The following ANKRD26 variants were observed in gnomAD, a reference collection of about 807,000 sequenced individuals.
The protein encoded by ANKRD26 is ankyrin repeat domain 26, also known as ankyrin repeat domain-containing protein 26.
A neutral mutation model predicts 208.7 loss-of-function variants in ANKRD26; 141 were observed. The ratio of observed to expected loss-of-function variants is 0.68; its 90% CI spans 0.59 to 0.78. The LOEUF is 0.78. Among genes scored for constraint, ANKRD26 ranks in the 30% least tolerant of loss-of-function variants. The probability of loss-of-function intolerance (pLI) is 0.00; values close to 1 mark genes in which losing one functional copy is unlikely to be tolerated. For synonymous variants in ANKRD26, 636 were observed against 660.4 expected (o/e 0.96, Z 0.57); for missense variants, 1,889 against 1,938.7 (o/e 0.97, Z 0.48).
intron 20 of ANKRD26, among the ~76,000 whole-genome samples, 166 bp downstream of exon 20, chr10:27,043,260 T>C (rs543597203): frequency 6.8e-4 from 103 of 150,846 alleles, no homozygotes; most frequent in African/African-American, 2.4e-3. Flanking sequence ...AAAGGAATAA[T>C]ATCAAGAATA....
At chr10:26,951,566 C>G in the ANKRD26 span, among the ~76,000 whole-genome samples, 1 of 152,134 alleles carries the variant, frequency 6.6e-6, no homozygotes, top group Admixed American at 6.5e-5. Context: ...GTACACAGGA[C>G]AGTTTTTAGT....
intron 4 of ANKRD26, among the ~76,000 whole-genome samples, chr10:27,090,408 AAAAAT>A (rs1311366361): frequency 6.6e-6 from 1 of 152,100 alleles, no homozygotes; most frequent in Non-Finnish European, 1.5e-5. Context: ...ATAAATAAAT[AAAAAT>A]AAAATAAGAG....
intron 25 of ANKRD26, among the ~76,000 whole-genome samples, chr10:27,029,987 T>C (rs989482383): frequency 5.9e-5 from 9 of 152,216 alleles, no homozygotes; most frequent in African/African-American, 2.2e-4. Flanking sequence ...GAGACAGTAA[T>C]ACTATTACTT....
At chr10:27,084,574 C>T (rs534172864) in intron 5 of ANKRD26, among the ~76,000 whole-genome samples, 7 of 152,082 alleles carry the variant, frequency 4.6e-5, no homozygotes, top group South Asian at 2.1e-4. Flanking sequence ...TTTGTTATGG[C>T]GAAACATTTC....
Position 27,014,587 on chromosome 10 carries a change from T to C in ANKRD26, c.4631A>G (p.Gln1544Arg), listed in dbSNP as rs1185013830. The change falls in exon 31 of 34, where the codon CAA becomes CGA. Residue 1544 changes from glutamine (Q) to arginine (R), a missense_variant. Around this residue, in one of 3 missense-constraint regions of ANKRD26, gnomAD observed 613 missense variants for 648.2 expected, o/e 0.95. Coordinates refer to ENST00000376087, the MANE Select transcript of ANKRD26 (RefSeq NM_014915.3). Reference sequence around the variant, plus strand: ...CAGTTCGGTTTTATTAAAGTCTTCTTGAGAAGTTTTTATTTTGGAGAGTTC... The same window carrying C: ...CAGTTCGGTTTTATTAAAGTCTTCTCGAGAAGTTTTTATTTTGGAGAGTTC... ...ESELSKIKTS[Q>R]EDFNKTELEK... 1.2e-6 allele frequency: 2 copies of C among 1,610,592 alleles called. No individual in the cohort carries two copies. Among genetic ancestry groups the C allele is most frequent in the Non-Finnish European group, 1.7e-6 (2 of 1,178,026 alleles).
chr10:27,031,120 G>A (rs34076423), intron 25 of ANKRD26, among the ~76,000 whole-genome samples: 14,189 of 152,224 alleles, frequency 0.093, 789 homozygotes, highest in East Asian at 0.28. Flanking sequence ...GAGGCTAGAT[G>A]AACAGAAACT....
chr10:26,955,642 T>C, the ANKRD26 span, among the ~76,000 whole-genome samples: 1 of 152,166 alleles, frequency 6.6e-6, no homozygotes, highest in Non-Finnish European at 1.5e-5. Flanking sequence ...CCTAAATGAA[T>C]GTTGGCTAGA....
intron 10 of ANKRD26, 95 bp from the exon 11 acceptor site, chr10:27,066,643 C>T: frequency 1.4e-6 from 1 of 735,348 alleles, no homozygotes; most frequent in Non-Finnish European, 2.1e-6. Context: ...TATCTCCATT[C>T]ATGAATATTT....
In ANKRD26 at chr10:27,035,266, G is replaced by A; in HGVS notation, c.3184C>T (p.Leu1062Phe). The change falls in exon 24 of 34, where the codon CTT becomes TTT. Residue 1062 changes from leucine (L) to phenylalanine (F), a missense_variant. Around this residue, in one of 3 missense-constraint regions of ANKRD26, gnomAD observed 1,272 missense variants for 1,273.8 expected, o/e 1.00. Coordinates refer to ENST00000376087, the MANE Select transcript of ANKRD26 (RefSeq NM_014915.3). ...TCAGTTTTAAATAGTTGTTGAGAAA[G>A]AATCTCATTGTTATCTTTTAGGTTA... ...VSNLKDNNEI[L>F]SQQLFKTESK... 1 of 1,613,908 alleles carries A rather than the reference G, an allele frequency of 6.2e-7. No individual in the cohort carries two copies. The highest frequency in any genetic ancestry group is 8.5e-7 in the Non-Finnish European group (1 of 1,179,882).
intron 5 of ANKRD26, among the ~76,000 whole-genome samples, chr10:27,083,518 G>C (rs966551750): frequency 3.3e-5 from 5 of 151,964 alleles, no homozygotes; most frequent in African/African-American, 7.3e-5. Context: ...CAGGCCAGGA[G>C]TTTGAGACCA....
chr10:27,070,140 C>T (rs192001764), intron 9 of ANKRD26, among the ~76,000 whole-genome samples: 8 of 147,268 alleles, frequency 5.4e-5, no homozygotes, highest in Admixed American at 5.4e-4. Context: ...CGTGGTGGCT[C>T]ATGCCTGTAA....
chr10:27,064,461 C>T (rs1322280617), intron 11 of ANKRD26, among the ~76,000 whole-genome samples: 2 of 151,868 alleles, frequency 1.3e-5, no homozygotes, highest in South Asian at 2.1e-4. Context: ...TATTCCGGTT[C>T]GGGGGATGCC....
intron 27 of ANKRD26, among the ~76,000 whole-genome samples, chr10:27,025,502 T>A (rs893714401): frequency 2.6e-5 from 4 of 152,188 alleles, no homozygotes; most frequent in Admixed American, 2.6e-4. Flanking sequence ...CGGTCTCATC[T>A]AGAGATCTAC....
intron 5 of ANKRD26, among the ~76,000 whole-genome samples, chr10:26,994,707 G>A (rs2052552272): frequency 6.6e-6 from 1 of 152,196 alleles, no homozygotes; most frequent in Admixed American, 6.5e-5. Flanking sequence ...ATTGCCAGAA[G>A]TTCTGGTTTT....
At chr10:27,002,707 AC>A (rs1485086457), downstream of ANKRD26, among the ~76,000 whole-genome samples, 1 of 152,246 alleles carries the variant, frequency 6.6e-6, no homozygotes, top group Non-Finnish European at 1.5e-5. Flanking sequence ...ATGCTGTGGT[AC>A]ACAATTATGT....
intron 1 of ANKRD26, among the ~76,000 whole-genome samples, chr10:27,098,351 C>T (rs2056533367): frequency 6.6e-6 from 1 of 151,278 alleles, no homozygotes; most frequent in South Asian, 2.1e-4. Context: ...AGTTGTCAGA[C>T]GATAGCAATC....
intron 32 of ANKRD26, among the ~76,000 whole-genome samples, chr10:27,007,345 T>G (rs2052924275): frequency 6.6e-6 from 1 of 152,216 alleles, no homozygotes; most frequent in South Asian, 2.1e-4. Context: ...TTCACTTTAG[T>G]GGATTTTTCC....
At chr10:27,056,597 G>A (rs907413146) in intron 15 of ANKRD26, among the ~76,000 whole-genome samples, 4 of 151,160 alleles carry the variant, frequency 2.6e-5, no homozygotes, top group Non-Finnish European at 5.9e-5. Flanking sequence ...GACCAACATG[G>A]TGAAACCCTG....
downstream of ANKRD26, among the ~76,000 whole-genome samples, chr10:26,968,821 G>A (rs1406504088): frequency 6.6e-6 from 1 of 152,156 alleles, no homozygotes; most frequent in Non-Finnish European, 1.5e-5. Flanking sequence ...AACAACTATT[G>A]CTGTAATACA....
Sources: allele counts gnomAD v4.1 joint callset (sites outside exome capture counted in the v4.1 genomes callset), GRCh38; gene constraint gnomAD v4.1.1; regional missense constraint gnomAD v4.1.1; transcripts MANE v1.5; gene names NCBI Gene and HGNC (gene_info 2026-07-23, HGNC 2026-07-21).